Variants in CNTN4 observed in about 807,000 individuals in gnomAD.
The protein encoded by CNTN4 is contactin-4.
In CNTN4, 77 loss-of-function variants were observed where a neutral mutation model predicts 122.5. The ratio of observed to expected loss-of-function variants is 0.63; its 90% CI spans 0.52 to 0.76. The LOEUF (loss-of-function observed/expected upper bound fraction) is 0.76, where lower values mean the gene tolerates loss of function less well. CNTN4 is among the 30% of genes least tolerant of loss of function. The probability of loss-of-function intolerance (pLI) is 0.00; values close to 1 mark genes in which losing one functional copy is unlikely to be tolerated. For missense variants in CNTN4, 1,256 were observed against 1,259.1 expected (o/e 1.00, Z 0.04); for synonymous variants, 512 against 447.0 (o/e 1.15, Z -1.83).
Position 2,159,601 on chromosome 3 carries a change from G to T in CNTN4, c.-145+58962G>T, listed in dbSNP as rs183518273. Among the ~76,000 whole-genome samples the T allele has an allele frequency of 2.6e-3, 390 of 152,256 alleles. 2 individuals carry two copies. The highest frequency in any genetic ancestry group is 9.1e-3 in the African/African-American group (380 of 41,542). ...TTTATATTAAATGGATTATCTGTCT[G>T]TCAAGCATTTTGAGCATTCCCCTTC... On this transcript the variant is annotated intron_variant, in intron 2 of 24. Coordinates refer to ENST00000418658, the MANE Select transcript of CNTN4 (RefSeq NM_175607.3).
At chr3:3,049,637 T>G (rs1295555788) in intron 23 of CNTN4, among the ~76,000 whole-genome samples, 1 of 151,800 alleles carries the variant, frequency 6.6e-6, no homozygotes, top group Middle Eastern at 3.2e-3. Flanking sequence ...GTGAGGGGAA[T>G]AGAGAAAGCC....
intron 3 of CNTN4, among the ~76,000 whole-genome samples, chr3:2,532,991 G>T (rs1188177999): frequency 6.6e-6 from 1 of 152,026 alleles, no homozygotes; most frequent in Non-Finnish European, 1.5e-5. Flanking sequence ...TTGATCATTG[G>T]TTTGCTTAGT....
intron 4 of CNTN4, among the ~76,000 whole-genome samples, chr3:2,624,832 C>A (rs2082122988): frequency 6.6e-6 from 1 of 151,844 alleles, no homozygotes; most frequent in African/African-American, 2.4e-5. Flanking sequence ...CAGGATTTCA[C>A]CCCATTGGCC....
chr3:2,966,580 A>G lies in CNTN4; in HGVS notation c.1359-21765A>G, dbSNP rs146069830. Among the ~76,000 whole-genome samples, 572 of 152,314 alleles carry G rather than the reference A, an allele frequency of 3.8e-3. 5 individuals carry two copies. The highest frequency in any genetic ancestry group is 0.012 in the East Asian group (64 of 5,180). On this transcript the variant is annotated intron_variant, in intron 13 of 24. Coordinates refer to ENST00000418658, the MANE Select transcript of CNTN4 (RefSeq NM_175607.3). ...TCAATAACACAATGGGGTGACTATA[A>G]TCAACAATAATTTATTGTATATTTT...
chr3:2,465,041 A>G (rs1267283028), intron 3 of CNTN4, among the ~76,000 whole-genome samples: 1 of 152,202 alleles, frequency 6.6e-6, no homozygotes, highest in East Asian at 1.9e-4. Context: ...CTGAAGATGG[A>G]TGGTGGTGAT....
At chr3:2,519,891 A>G (rs2077149600) in intron 3 of CNTN4, among the ~76,000 whole-genome samples, 1 of 152,170 alleles carries the variant, frequency 6.6e-6, no homozygotes, top group South Asian at 2.1e-4. Context: ...ATGAAGTGGC[A>G]TATACTCTAC....
chr3:2,399,449 C>T (rs140305961), intron 3 of CNTN4, among the ~76,000 whole-genome samples: 4 of 152,096 alleles, frequency 2.6e-5, no homozygotes, highest in Non-Finnish European at 5.9e-5. Context: ...AGGATTCATT[C>T]ATTTGTGATT....
chr3:2,627,120 G>A (rs2082221090), intron 4 of CNTN4, among the ~76,000 whole-genome samples: 1 of 152,150 alleles, frequency 6.6e-6, no homozygotes, highest in South Asian at 2.1e-4. Flanking sequence ...GAGACCTCCT[G>A]GGATGCAGGA....
At chr3:2,346,149 T>G (rs3883937) in intron 3 of CNTN4, among the ~76,000 whole-genome samples, 74,486 of 151,502 alleles carry the variant, frequency 0.49, 18,483 homozygotes, top group Admixed American at 0.52. Context: ...TTCTAAATGC[T>G]TTTCCACCTT....
At chr3:2,540,790 T>C (rs2149295218) in intron 3 of CNTN4, among the ~76,000 whole-genome samples, 1 of 152,238 alleles carries the variant, frequency 6.6e-6, no homozygotes, top group South Asian at 2.1e-4. Context: ...TATAAAGTAG[T>C]TTAAATCCTG....
intron 3 of CNTN4, among the ~76,000 whole-genome samples, chr3:2,377,399 T>C (rs1027668658): frequency 6.6e-6 from 1 of 152,210 alleles, no homozygotes; most frequent in African/African-American, 2.4e-5. Flanking sequence ...AGTCATTTTC[T>C]CTAGCTTCCT....
At chr3:2,278,287 T>G (rs2041593285) in intron 2 of CNTN4, among the ~76,000 whole-genome samples, 2 of 152,232 alleles carry the variant, frequency 1.3e-5, no homozygotes, top group African/African-American at 4.8e-5. Flanking sequence ...AACAGAGTTA[T>G]TTTCATGAAT....
chr3:2,906,915 A>G (rs1435327941), intron 12 of CNTN4, among the ~76,000 whole-genome samples: 2 of 151,984 alleles, frequency 1.3e-5, no homozygotes, highest in African/African-American at 2.4e-5. Context: ...AATTTTGGAG[A>G]TTCTTGAATG....
At chr3:2,392,050 C>A (rs919123801) in intron 3 of CNTN4, among the ~76,000 whole-genome samples, 4 of 152,126 alleles carry the variant, frequency 2.6e-5, no homozygotes, top group Non-Finnish European at 5.9e-5. Flanking sequence ...GAACCATCTC[C>A]AAATTGCACC....
At chr3:2,217,217 C>G (rs148347477) in intron 2 of CNTN4, among the ~76,000 whole-genome samples, 2 of 152,276 alleles carry the variant, frequency 1.3e-5, no homozygotes, top group Non-Finnish European at 2.9e-5. Context: ...CAACAACCCT[C>G]TCTTGTCTGC....
rs78747577 is a variant in CNTN4, at chr3:2,952,359, T to A, written c.1358+26580T>A. Among the ~76,000 whole-genome samples the A allele has an allele frequency of 5.2e-3, 792 of 152,314 alleles. 7 individuals carry two copies. The highest frequency in any genetic ancestry group is 0.018 in the African/African-American group (750 of 41,574). On this transcript the variant is annotated intron_variant, in intron 13 of 24. Transcript: ENST00000418658. The stretch of plus-strand genomic sequence containing the variant: ...TGGCATCAGAGCCAGAGCTTTGCCA[T>A]CTATGTAGTCTTGAGCAAGTCACTT...
chr3:2,618,798 C>T (rs12496295), intron 4 of CNTN4, among the ~76,000 whole-genome samples: 45,517 of 152,032 alleles, frequency 0.3, 7,778 homozygotes, highest in Middle Eastern at 0.47. Context: ...TCTAATAAAA[C>T]AATTTGTGTC....
At chr3:2,319,791 A>T (rs1007776889) in intron 2 of CNTN4, among the ~76,000 whole-genome samples, 2 of 152,082 alleles carry the variant, frequency 1.3e-5, no homozygotes, top group Admixed American at 6.6e-5. Context: ...GGGGGTTGGT[A>T]CCCCTACCCT....
chr3:2,634,944 G>A (rs2150068086), intron 4 of CNTN4, among the ~76,000 whole-genome samples: 1 of 152,208 alleles, frequency 6.6e-6, no homozygotes, highest in Non-Finnish European at 1.5e-5. Context: ...GTATTGGGGT[G>A]AAGATTTTAT....
Sources: allele counts gnomAD v4.1 joint callset (sites outside exome capture counted in the v4.1 genomes callset), GRCh38; gene constraint gnomAD v4.1.1; transcripts MANE v1.5; gene names NCBI Gene and HGNC (gene_info 2026-07-23, HGNC 2026-07-21).